MPND: variants seen among roughly 807,000 people sequenced by gnomAD.
The protein encoded by MPND is MPN domain-containing protein.
In MPND, 56 loss-of-function variants were observed where a neutral mutation model predicts 59.2. The ratio of observed to expected loss-of-function variants is 0.95; its 90% CI spans 0.76 to 1.18. MPND has a LOEUF of 1.18. Ranked by LOEUF, MPND falls within the 50% of genes most tolerant of loss-of-function variation. The pLI, the probability that MPND is intolerant of heterozygous loss-of-function variation, is 0.00. For missense variants in MPND, 671 were observed against 676.0 expected (o/e 0.99, Z 0.08); for synonymous variants, 323 against 291.9 (o/e 1.11, Z -1.09).
In MPND at chr19:4,354,126, C is replaced by G. The variant is rs1441287908; in HGVS notation, c.746C>G (p.Ala249Gly). Residue 249 changes from alanine to glycine, a missense_variant, in exon 5 of 13, where the codon GCC (alanine) becomes GGC (glycine). Physicochemically the swap from Ala to Gly is moderately conservative, Grantham distance 60. Coordinates refer to ENST00000599840, the MANE Select transcript of MPND (RefSeq NM_001300862.2). ...RYCMLGSRDL[A>G]RNPHTLVEVT... Reference sequence around the variant, plus strand: ...TGCATGCTGGGCAGCCGCGACTTGGCCAGGTCAGACTCACCCCAAGTTCTG... The same window carrying G: ...TGCATGCTGGGCAGCCGCGACTTGGGCAGGTCAGACTCACCCCAAGTTCTG... The G allele has an allele frequency of 6.2e-7, 1 of 1,611,194 alleles. No individual in the cohort carries two copies. The highest frequency in any genetic ancestry group is 1.1e-5 in the South Asian group (1 of 90,986).
intron 3 of MPND, among the ~76,000 whole-genome samples, chr19:4,352,420 T>TA (rs1972339715): frequency 6.6e-6 from 1 of 151,824 alleles, no homozygotes; most frequent in Non-Finnish European, 1.5e-5. Flanking sequence ...TGCGGTGGCT[T>TA]ACGCCTGTAA....
At chr19:4,358,375 C>A (rs1202956225) in intron 11 of MPND, 2 of 584,212 alleles carry the variant, frequency 3.4e-6, no homozygotes, top group Non-Finnish European at 6.1e-6. Context: ...CTCACCTCCC[C>A]ACCTGCTGTT....
intron 11 of MPND, chr19:4,358,417 T>C: frequency 1.9e-6 from 1 of 527,154 alleles, no homozygotes; most frequent in Non-Finnish European, 3.4e-6. Flanking sequence ...TGCCAGGCTG[T>C]CCAGTAGAGA....
intron 3 of MPND, among the ~76,000 whole-genome samples, chr19:4,350,251 T>G (rs1599570227): frequency 6.7e-6 from 1 of 149,810 alleles, no homozygotes; most frequent in Non-Finnish European, 1.5e-5. Flanking sequence ...TGGAGCCGAG[T>G]GAGTAAGGGA....
chr19:4,352,840 G>T (rs560188971), intron 3 of MPND, 57 bp from the exon 4 acceptor site: 1 of 1,292,746 alleles, frequency 7.7e-7, no homozygotes, highest in Non-Finnish European at 9.9e-7. Flanking sequence ...TTAGCAGGGA[G>T]CGGGGGGGCA....
Position 4,357,561 on chromosome 19 carries a change from T to C in MPND, c.1212T>C (p.Pro404=), listed in dbSNP as rs754016615. ...GNPGPESKIS[P]FWVMPPPEQR... ...CAGGCCCCGAGTCCAAGATCTCACC[T>C]TTCTGGGTGATGCCTCCTCCCGAGG... The change falls in exon 10 of 13, where the codon CCT becomes CCC. Residue 404 remains proline (P), a synonymous_variant. Transcript: ENST00000599840. 1.2e-6 allele frequency: 2 copies of C among 1,613,076 alleles called. No individual in the cohort carries two copies. Among genetic ancestry groups the C allele is most frequent in the Non-Finnish European group, 8.5e-7 (1 of 1,179,570 alleles).
At chr19:4,355,267 C>T (rs1283926977) in intron 8 of MPND, 94 bp downstream of exon 8, 2 of 1,326,200 alleles carry the variant, frequency 1.5e-6, no homozygotes, top group Admixed American at 1.9e-5. Context: ...TGTCATCACC[C>T]AGCAACCGTG....
chr19:4,349,513 C>G (rs1816688166), intron 3 of MPND, among the ~76,000 whole-genome samples: 1 of 149,866 alleles, frequency 6.7e-6, no homozygotes, highest in Non-Finnish European at 1.5e-5. Context: ...GTGAGTGGGT[C>G]TATTTTTTTT....
intron 3 of MPND, among the ~76,000 whole-genome samples, chr19:4,351,564 A>T (rs956888635): frequency 2.6e-5 from 4 of 152,234 alleles, no homozygotes; most frequent in African/African-American, 9.6e-5. Context: ...CCTTTTACAG[A>T]TAAGAATAGA....
At chr19:4,354,455 C>T (rs768508268) in intron 6 of MPND, 35 bp downstream of exon 6, 1 of 1,533,570 alleles carries the variant, frequency 6.5e-7, no homozygotes, top group South Asian at 1.2e-5. Context: ...GCAAGGGGCT[C>T]CGGAGCCCAG....
At chr19:4,345,688 G>A in intron 2 of MPND, 57 bp from the exon 3 acceptor site, 1 of 1,544,406 alleles carries the variant, frequency 6.5e-7, no homozygotes, top group East Asian at 2.3e-5. Flanking sequence ...GGACCCCCCG[G>A]GAGAGAGGGC....
chr19:4,345,995 C>T lies in MPND; in HGVS notation c.531+14C>T, dbSNP rs1046955137. 9.4e-6 allele frequency: 15 copies of T among 1,604,174 alleles called. No homozygotes were observed. Among genetic ancestry groups the T allele is most frequent in the Non-Finnish European group, 1.2e-5 (14 of 1,175,252 alleles). On this transcript the variant is annotated intron_variant, in intron 3 of 12. Transcript: ENST00000599840. ...GCTGCTGATGAGGTACGTGCTGCAG[C>T]CTCCTCCAGGAAGCCGCCCAGGTCA...
At position 4,359,954 on chromosome 19, in the gene MPND, G is replaced by T; in HGVS notation, c.1458G>T (p.Leu486=). 6.3e-7 allele frequency: 1 copy of T among 1,575,848 alleles called. No individual in the cohort carries two copies. The highest frequency in any genetic ancestry group is 8.6e-7 in the Non-Finnish European group (1 of 1,160,336). The change falls in exon 13 of 13, where the codon CTG becomes CTT. Residue 486 remains leucine, a synonymous_variant. Transcript: ENST00000599840. ...GCAGGACGCCCAAGGACCAGAGCCT[G>T]TGTCACGTCCTGGAACAGGTGTGCG... ...LASRTPKDQS[L]CHVLEQVCGV...
chr19:4,357,944 C>T (rs1369630300), intron 10 of MPND, 139 bp from the exon 11 acceptor site: 2 of 685,464 alleles, frequency 2.9e-6, no homozygotes, highest in Non-Finnish European at 5.1e-6. Flanking sequence ...CCTGGTCCCA[C>T]CACCAGGTGC....
At position 4,359,876 on chromosome 19, in the gene MPND, A is replaced by AC. The variant is rs1332885003; in HGVS notation, c.1420-35dup. ...ACTGTGAGGCGCAGGGCTGGCTAGG[A>AC]CCCCCGGGCACAGCCTGAGGCCCAG... is the stretch of plus-strand genomic sequence containing the variant. On this transcript the variant is annotated intron_variant, in intron 12 of 12. Coordinates refer to ENST00000599840, the MANE Select transcript of MPND (RefSeq NM_001300862.2). 4.0e-6 allele frequency: 6 copies of AC among 1,502,370 alleles called. No individual in the cohort carries two copies. In the African/African-American group the frequency reaches 7.0e-5, roughly 17 times the overall value. 93.1% of individuals were successfully genotyped at this position (1,502,370 alleles called of 1,614,324 possible). A position where few individuals can be genotyped will look rare whatever the true frequency, so the allele number is the denominator to read the frequency against.
intron 2 of MPND, 107 bp from the exon 3 acceptor site, chr19:4,345,638 G>GCCCTGTAAA (rs1323085426): frequency 9.9e-7 from 1 of 1,012,256 alleles, no homozygotes; most frequent in African/African-American, 1.6e-5. Context: ...GTTCCTGGAA[G>GCCCTGTAAA]CCCTGTAAAG....
At chr19:4,358,911 C>T (rs1412070606) in intron 11 of MPND, among the ~76,000 whole-genome samples, 3 of 152,268 alleles carry the variant, frequency 2.0e-5, no homozygotes, top group Middle Eastern at 3.4e-3. Flanking sequence ...GAACTGGGCT[C>T]GGTGAGTGCA....
At chr19:4,349,984 C>A (rs565415965) in intron 3 of MPND, among the ~76,000 whole-genome samples, 27 of 152,032 alleles carry the variant, frequency 1.8e-4, no homozygotes, top group Non-Finnish European at 2.9e-4. Flanking sequence ...TAGTGGCCAA[C>A]TGTGTGCAAG....
chr19:4,354,450 G>C (rs1367252519), intron 6 of MPND, 30 bp downstream of exon 6: 1 of 1,540,202 alleles, frequency 6.5e-7, no homozygotes, highest in Non-Finnish European at 8.8e-7. Flanking sequence ...TAGGGGCAAG[G>C]GGCTCCGGAG....
Sources: allele counts gnomAD v4.1 joint callset (sites outside exome capture counted in the v4.1 genomes callset), GRCh38; gene constraint gnomAD v4.1.1; transcripts MANE v1.5; gene names NCBI Gene and HGNC (gene_info 2026-07-23, HGNC 2026-07-21).